LRRC59: variants seen among roughly 807,000 people sequenced by gnomAD.
LRRC59 encodes leucine rich repeat containing 59.
A neutral mutation model predicts 33.5 loss-of-function variants in LRRC59; 18 were observed. That is an observed-to-expected ratio of 0.54 (90% CI 0.37 to 0.80). The LOEUF (loss-of-function observed/expected upper bound fraction) is 0.80, where lower values mean the gene tolerates loss of function less well. Ranked by LOEUF, LRRC59 falls within the 30% of genes least tolerant of loss-of-function variation. LRRC59 has a pLI of 0.00. For missense variants in LRRC59, 330 were observed against 391.9 expected, an observed-to-expected ratio of 0.84 and a Z score of 1.33; for synonymous variants, 138 against 160.0, an observed-to-expected ratio of 0.86 and a Z score of 1.04.
chr17:50,381,308 G>T lies in LRRC59; in HGVS notation c.*1680C>A. The T allele has an allele frequency of 4.5e-6, 1 of 223,632 alleles. No individual in the cohort carries two copies. The highest frequency in any genetic ancestry group is 9.0e-6 in the Non-Finnish European group (1 of 110,920). 13.9% of individuals were successfully genotyped at this position (223,632 alleles called of 1,614,324 possible). A position where few individuals can be genotyped will look rare whatever the true frequency, so the allele number is the denominator to read the frequency against. ...AGCATCAAATCTTGAAGTCGTGAGT[G>T]AAGCTGCGGGTTGGCTTGACTGGGC... On this transcript the variant is annotated 3_prime_UTR_variant, in exon 7 of 7. Coordinates refer to ENST00000225972, the MANE Select transcript of LRRC59 (RefSeq NM_018509.4).
chr17:50,389,098 A>G (rs571453339), intron 4 of LRRC59, among the ~76,000 whole-genome samples: 3 of 152,302 alleles, frequency 2.0e-5, no homozygotes, highest in South Asian at 4.1e-4. Context: ...CACAGCTAAG[A>G]CCTGAGCACA....
At chr17:50,390,187 G>A (rs751017064) in intron 4 of LRRC59, among the ~76,000 whole-genome samples, 1 of 152,014 alleles carries the variant, frequency 6.6e-6, no homozygotes, top group African/African-American at 2.4e-5. Context: ...AGAAGTTATG[G>A]GTCCCGTTGC....
chr17:50,396,794 G>A (rs17777728), intron 1 of LRRC59: 4,200 of 234,640 alleles, frequency 0.018, 60 homozygotes, highest in Middle Eastern at 0.045. Context: ...CTTCCTAGAA[G>A]AGCCAGGTTC....
At chr17:50,390,449 G>A (rs543293546) in intron 4 of LRRC59, among the ~76,000 whole-genome samples, 21 of 151,688 alleles carry the variant, frequency 1.4e-4, no homozygotes, top group Non-Finnish European at 2.6e-4. Context: ...CTGAGAGTGC[G>A]CCACTGCCCT....
At chr17:50,393,390 A>G (rs1914196130) in intron 2 of LRRC59, among the ~76,000 whole-genome samples, 1 of 148,834 alleles carries the variant, frequency 6.7e-6, no homozygotes, top group Admixed American at 6.7e-5. Context: ...GTCCTTCCAC[A>G]GCACCCTATG....
chr17:50,389,163 GGA>G (rs1345838385), intron 4 of LRRC59, among the ~76,000 whole-genome samples: 15 of 152,142 alleles, frequency 9.9e-5, no homozygotes, highest in African/African-American at 3.4e-4. Context: ...CACATGCAGA[GGA>G]GAGCTCCGAG....
At chr17:50,394,649 CCAGT>C (rs1914228375) in intron 2 of LRRC59, among the ~76,000 whole-genome samples, 1 of 152,104 alleles carries the variant, frequency 6.6e-6, no homozygotes, top group Non-Finnish European at 1.5e-5. Context: ...AAAGATGAGC[CCAGT>C]AAGTTACTCA....
Position 50,392,438 on chromosome 17 carries a change from T to A in LRRC59, c.389A>T (p.Asp130Val). ...LDPVLAKVAG[D>V]CLDEKQCKQC... ...CTTACACTGCTTCTCATCCAAGCAG[T>A]CACCTGCCACCTTGGCCAGGACAGG... Residue 130 changes from aspartate to valine, a missense_variant, in exon 4 of 7, where the codon GAC (aspartate) becomes GTC (valine). Asp to Val is a radical substitution (Grantham distance 152). Transcript: ENST00000225972. 1.2e-6 allele frequency: 2 copies of A among 1,614,158 alleles called. No homozygotes were observed. The highest frequency in any genetic ancestry group is 1.7e-6 in the Non-Finnish European group (2 of 1,180,034).
At position 50,397,196 on chromosome 17, in the gene LRRC59, C is replaced by G. The variant is rs1043402732; in HGVS notation, c.105+17G>C. On this transcript the variant is annotated intron_variant, in intron 1 of 6. Coordinates refer to ENST00000225972, the MANE Select transcript of LRRC59 (RefSeq NM_018509.4). ...CCGGCGAAGGTGGGCGCCTGGGCCT[C>G]GCGGGACGATACTGACCAGCTCCTT... The G allele has an allele frequency of 6.5e-7, 1 of 1,536,196 alleles. No homozygotes were observed.
chr17:50,382,202 C>T lies in LRRC59; in HGVS notation c.*786G>A, dbSNP rs1037309624. On this transcript the variant is annotated 3_prime_UTR_variant, in exon 7 of 7. Coordinates refer to ENST00000225972, the MANE Select transcript of LRRC59 (RefSeq NM_018509.4). ...TGATGATAGCAAGAGATTTCTATCT[C>T]TGAGTCGTGAAATCTGTCTACCATG... is the stretch of plus-strand genomic sequence containing the variant. 6.6e-6 allele frequency: 1 copy of T among 152,322 alleles called. No individual in the cohort carries two copies. Among genetic ancestry groups the T allele is most frequent in the African/African-American group, 2.4e-5 (1 of 41,424 alleles). 9.4% of individuals were successfully genotyped at this position (152,322 alleles called of 1,614,324 possible). A position where few individuals can be genotyped will look rare whatever the true frequency, so the allele number is the denominator to read the frequency against.
Position 50,397,406 on chromosome 17 carries a change from C to G in LRRC59, c.-89G>C, listed in dbSNP as rs1197864940. The stretch of plus-strand genomic sequence containing the variant: ...GCTTGTCAGTTCAGCGGCCCCCCAC[C>G]CAAACGACGACGCCTGAGCCCTCCG... On this transcript the variant is annotated 5_prime_UTR_variant, in exon 1 of 7. Transcript: ENST00000225972. 1 of 1,003,162 alleles carries G rather than the reference C, an allele frequency of 1.0e-6. No individual in the cohort carries two copies. The highest frequency in any genetic ancestry group is 1.4e-6 in the Non-Finnish European group (1 of 707,060). 62.1% of individuals were successfully genotyped at this position (1,003,162 alleles called of 1,614,324 possible).
rs1307547684 is a variant in LRRC59, at chr17:50,382,162, G to A, written c.*826C>T. The A allele has an allele frequency of 6.6e-6, 1 of 152,562 alleles. No individual in the cohort carries two copies. The highest frequency in any genetic ancestry group is 1.5e-5 in the Non-Finnish European group (1 of 68,040). The allele number at this position is 152,562 out of a possible 1,614,324, so 9.5% of individuals were successfully genotyped here. ...ACATAAGTTGGGCAGGACTCCACAG[G>A]AGCTGCCCGTGACCTGATGATAGCA... is the stretch of plus-strand genomic sequence containing the variant. On this transcript the variant is annotated 3_prime_UTR_variant, in exon 7 of 7. Coordinates refer to ENST00000225972, the MANE Select transcript of LRRC59 (RefSeq NM_018509.4).
At chr17:50,390,097 CAAAAAA>C (rs57027679) in intron 4 of LRRC59, among the ~76,000 whole-genome samples, 1,534 of 85,298 alleles carry the variant, frequency 0.018, 9 homozygotes, top group Middle Eastern at 0.035. Context: ...GACTCTGTCT[CAAAAAA>C]AAAAAAAAAA....
intron 6 of LRRC59, 151 bp downstream of exon 6, chr17:50,384,967 C>A: frequency 2.2e-6 from 2 of 891,452 alleles, no homozygotes; most frequent in South Asian, 3.3e-5. Flanking sequence ...GTCCCCCATT[C>A]CCCGTAACCA....
chr17:50,394,853 C>A, intron 2 of LRRC59, 76 bp downstream of exon 2: 2 of 1,030,966 alleles, frequency 1.9e-6, no homozygotes, highest in East Asian at 2.7e-5. Context: ...CCCTCCCACC[C>A]CCCTCTCAAC....
In LRRC59 at chr17:50,383,144, TAGCAGC is replaced by T; in HGVS notation, c.762_767del (p.Leu255_Leu256del). On this transcript the variant is annotated inframe_deletion, in exon 7 of 7. Transcript: ENST00000225972. ...CAACCAGCCCTCCCGCCACACCAAA[TAGCAGC>T]AGCAGCAGCAGCAGCTTCAGCACAG... The T allele has an allele frequency of 6.3e-7, 1 of 1,583,666 alleles. No individual in the cohort carries two copies. The highest frequency in any genetic ancestry group is 8.6e-7 in the Non-Finnish European group (1 of 1,166,084).
In LRRC59 at chr17:50,382,911, AG is replaced by A. The variant is rs1913902548; in HGVS notation, c.*76del. On this transcript the variant is annotated 3_prime_UTR_variant, in exon 7 of 7. Coordinates refer to ENST00000225972, the MANE Select transcript of LRRC59 (RefSeq NM_018509.4). The stretch of plus-strand genomic sequence containing the variant: ...GGCAGGTAGGTCTGATGCTAAAAAG[AG>A]GTTGTGTCCAGCAGAACCCAATTCC... 1 of 1,543,164 alleles carries A rather than the reference AG, an allele frequency of 6.5e-7. No homozygotes were observed. The highest frequency in any genetic ancestry group is 1.4e-5 in the African/African-American group (1 of 73,608).
intron 5 of LRRC59, among the ~76,000 whole-genome samples, chr17:50,386,905 A>C (rs181763730): frequency 5.4e-4 from 82 of 152,336 alleles, no homozygotes; most frequent in Non-Finnish European, 1.1e-3. Context: ...TCCAGTGCCT[A>C]TATCATTTAC....
In LRRC59 at chr17:50,397,477, G is replaced by C. The variant is rs1185193089; in HGVS notation, c.-160C>G. The C allele has an allele frequency of 7.6e-6, 4 of 527,996 alleles. No individual in the cohort carries two copies. Among genetic ancestry groups the C allele is most frequent in the African/African-American group, 6.1e-5 (3 of 49,560 alleles). 32.7% of individuals were successfully genotyped at this position (527,996 alleles called of 1,614,324 possible). On this transcript the variant is annotated 5_prime_UTR_variant, in exon 1 of 7. Coordinates refer to ENST00000225972, the MANE Select transcript of LRRC59 (RefSeq NM_018509.4). The stretch of plus-strand genomic sequence containing the variant: ...CCTCCGCCCGCTGGCCGCACTCCGA[G>C]CCTCGCGCCTAGCTCCCACCGGTGC...
Sources: gnomAD v4.1 joint callset for allele counts (sites outside exome capture counted in the v4.1 genomes callset) on GRCh38, gnomAD v4.1.1 for gene constraint, MANE v1.5 for transcripts, NCBI Gene and HGNC (gene_info 2026-07-23, HGNC 2026-07-21) for gene names.